ULK4: variants seen among roughly 807,000 people sequenced by gnomAD.
ULK4 encodes the protein unc-51 like kinase 4, also known as inactive serine/threonine-protein kinase ULK4.
A neutral mutation model predicts 160.6 loss-of-function variants in ULK4; 133 were observed. That is an observed-to-expected ratio of 0.83 (90% CI 0.72 to 0.96). The LOEUF is 0.96. ULK4 is among the 40% of genes least tolerant of loss of function. The pLI, the probability that ULK4 is intolerant of heterozygous loss-of-function variation, is 0.00. For missense variants in ULK4, 1,580 were observed against 1,499.5 expected (o/e 1.05, Z -0.89); for synonymous variants, 534 against 539.8 (o/e 0.99, Z 0.15).
chr3:41,803,348 C>T (rs999172685), intron 19 of ULK4, among the ~76,000 whole-genome samples: 8 of 152,014 alleles, frequency 5.3e-5, no homozygotes, highest in African/African-American at 1.2e-4. Flanking sequence ...TGTTCAGGGC[C>T]GTAAAAAATA....
chr3:41,560,931 T>C (rs1283028696), intron 32 of ULK4, among the ~76,000 whole-genome samples: 1 of 152,228 alleles, frequency 6.6e-6, no homozygotes, highest in African/African-American at 2.4e-5. Context: ...AAGGCATCCT[T>C]GTCTTGTGCC....
At chr3:41,833,276 T>C (rs968172325) in intron 18 of ULK4, among the ~76,000 whole-genome samples, 1 of 119,646 alleles carries the variant, frequency 8.4e-6, no homozygotes, top group Non-Finnish European at 1.5e-5. Context: ...CTTAAGTTGT[T>C]TTTTTTTTTG....
At chr3:41,816,852 A>C (rs920604375) in intron 19 of ULK4, among the ~76,000 whole-genome samples, 3 of 152,186 alleles carry the variant, frequency 2.0e-5, no homozygotes, top group Non-Finnish European at 1.5e-5. Context: ...TGCCTATGTC[A>C]AATGTTTGCG....
At chr3:41,314,318 C>G (rs1228296513) in intron 35 of ULK4, among the ~76,000 whole-genome samples, 1 of 152,174 alleles carries the variant, frequency 6.6e-6, no homozygotes, top group Non-Finnish European at 1.5e-5. Flanking sequence ...ACAGTGAACA[C>G]TATACCCAAC....
At chr3:41,259,114 G>A (rs73827985) in intron 35 of ULK4, among the ~76,000 whole-genome samples, 2 of 128,254 alleles carry the variant, frequency 1.6e-5, no homozygotes, top group African/African-American at 4.4e-5. Flanking sequence ...ATGTATATAT[G>A]TGTATATATA....
At chr3:41,319,962 T>G (rs2080216598) in intron 35 of ULK4, among the ~76,000 whole-genome samples, 1 of 152,236 alleles carries the variant, frequency 6.6e-6, no homozygotes, top group East Asian at 1.9e-4. Context: ...TTTCTTCACG[T>G]ACAAAACTTT....
intron 30 of ULK4, among the ~76,000 whole-genome samples, chr3:41,640,563 C>T (rs552760769): frequency 6.6e-6 from 1 of 152,278 alleles, no homozygotes; most frequent in Non-Finnish European, 1.5e-5. Context: ...GCCCACCCCT[C>T]CTGAGCTCTG....
intron 16 of ULK4, among the ~76,000 whole-genome samples, chr3:41,888,594 A>C (rs1400571972): frequency 6.6e-6 from 1 of 152,234 alleles, no homozygotes; most frequent in Non-Finnish European, 1.5e-5. Flanking sequence ...CAGTTTAGTC[A>C]GTCAGGTCCT....
chr3:41,643,620 T>C lies in ULK4; in HGVS notation c.3071+19987A>G, dbSNP rs181528040. On this transcript the variant is annotated intron_variant, in intron 30 of 36. Transcript: ENST00000301831. ...CCTTGTAGTATAGTTTGAAGTCAGG[T>C]AGCGTGATGCCTCCTGCTTTGTTCT... Among the ~76,000 whole-genome samples, 671 of 152,318 alleles carry C rather than the reference T, an allele frequency of 4.4e-3. 5 individuals are homozygous for C. Among genetic ancestry groups the C allele is most frequent in the Non-Finnish European group, 7.8e-3 (531 of 68,018 alleles).
intron 29 of ULK4, among the ~76,000 whole-genome samples, chr3:41,669,801 T>C (rs2035474353): frequency 6.6e-6 from 1 of 152,184 alleles, no homozygotes; most frequent in South Asian, 2.1e-4. Flanking sequence ...TAGTGTTATA[T>C]AAATGTAGAT....
At position 41,453,291 on chromosome 3, in the gene ULK4, T is replaced by C. The variant is rs554370883; in HGVS notation, c.3492+2206A>G. Reference sequence around the variant, plus strand: ...CCTGGGCTCAAGCAATCCTCAAGCCTCAGCCTCCCAAGTAGCTAGAACTAC... The same window carrying C: ...CCTGGGCTCAAGCAATCCTCAAGCCCCAGCCTCCCAAGTAGCTAGAACTAC... On this transcript the variant is annotated intron_variant, in intron 34 of 36. Transcript: ENST00000301831. 5.9e-5 allele frequency among the ~76,000 whole-genome samples: 9 copies of C among 152,274 alleles called. No homozygotes were observed. In the South Asian group the frequency reaches 1.9e-3, roughly 32 times the overall value.
intron 32 of ULK4, among the ~76,000 whole-genome samples, chr3:41,493,073 C>A (rs1223324982): frequency 9.7e-6 from 1 of 103,212 alleles, no homozygotes; most frequent in Non-Finnish European, 2.1e-5. Flanking sequence ...CTGCACCAAG[C>A]GGACCTAATA....
At chr3:41,865,921 G>C (rs1559617644) in intron 17 of ULK4, among the ~76,000 whole-genome samples, 1 of 151,712 alleles carries the variant, frequency 6.6e-6, no homozygotes, top group Non-Finnish European at 1.5e-5. Context: ...AGAAAAAATT[G>C]GCAAGTTGGA....
intron 25 of ULK4, among the ~76,000 whole-genome samples, chr3:41,708,531 G>A (rs2036983139): frequency 6.6e-6 from 1 of 152,132 alleles, no homozygotes; most frequent in Non-Finnish European, 1.5e-5. Flanking sequence ...GTAGGGGAAA[G>A]ACATTGGTCA....
chr3:41,584,346 C>G (rs895981966), intron 31 of ULK4, among the ~76,000 whole-genome samples: 23 of 152,194 alleles, frequency 1.5e-4, no homozygotes, highest in African/African-American at 5.3e-4. Flanking sequence ...AGCTGGAGTG[C>G]GGTGGTGTGC....
At chr3:41,486,137 T>C (rs541303544) in intron 32 of ULK4, among the ~76,000 whole-genome samples, 5 of 152,130 alleles carry the variant, frequency 3.3e-5, no homozygotes, top group Admixed American at 2.6e-4. Context: ...ACGTATCTCA[T>C]GAATATCAGT....
intron 32 of ULK4, among the ~76,000 whole-genome samples, chr3:41,515,614 T>C (rs185657650): frequency 6.6e-6 from 1 of 152,250 alleles, no homozygotes; most frequent in African/African-American, 2.4e-5. Flanking sequence ...AACACGTCCT[T>C]CTTCACATGG....
At chr3:41,483,144 C>A (rs1156352668) in intron 32 of ULK4, among the ~76,000 whole-genome samples, 2 of 152,052 alleles carry the variant, frequency 1.3e-5, no homozygotes, top group Admixed American at 6.6e-5. Context: ...GTTAACCATC[C>A]CCACTTTAGT....
intron 32 of ULK4, among the ~76,000 whole-genome samples, chr3:41,550,093 A>G (rs2087005832): frequency 6.6e-6 from 1 of 152,088 alleles, no homozygotes; most frequent in Admixed American, 6.5e-5. Flanking sequence ...AAAGGACAAT[A>G]TTTACCATCA....
Sources: allele counts gnomAD v4.1 joint callset (sites outside exome capture counted in the v4.1 genomes callset), GRCh38; gene constraint gnomAD v4.1.1; transcripts MANE v1.5; gene names NCBI Gene and HGNC (gene_info 2026-07-23, HGNC 2026-07-21).